Variants in OS9 observed in about 807,000 individuals in gnomAD.
OS9 encodes OS9 endoplasmic reticulum lectin, also known as protein OS-9.
A neutral mutation model predicts 84.7 loss-of-function variants in OS9; 58 were observed. The ratio of observed to expected loss-of-function variants is 0.68; its 90% CI spans 0.55 to 0.85. The LOEUF is 0.85. OS9 is among the 40% of genes least tolerant of loss of function. OS9 has a pLI of 0.00. For missense variants in OS9, 760 were observed against 850.9 expected (o/e 0.89, Z 1.33); for synonymous variants, 278 against 320.8 (o/e 0.87, Z 1.43).
intron 5 of OS9, among the ~76,000 whole-genome samples, chr12:57,696,817 A>C (rs1302689737): frequency 1.3e-5 from 2 of 150,736 alleles, no homozygotes; most frequent in Non-Finnish European, 1.5e-5. Context: ...GAAAAAAAAA[A>C]ACCCACATTA....
Position 57,715,946 on chromosome 12 carries a change from A to C in OS9, c.766A>C (p.Met256Leu). 6.2e-7 allele frequency: 1 copy of C among 1,612,818 alleles called. No individual in the cohort carries two copies. The highest frequency in any genetic ancestry group is 8.5e-7 in the Non-Finnish European group (1 of 1,179,344). Reference protein sequence around the residue: ...CHPSLQPEEYMAYVQRQADSK... With the variant: ...CHPSLQPEEYLAYVQRQADSK... ...CCCTTCCCTACAGCCTGAGGAGTACATGGCCTACGTTCAGAGGCAAGCCGG... is the reference window on the plus strand; with the variant it reads ...CCCTTCCCTACAGCCTGAGGAGTACCTGGCCTACGTTCAGAGGCAAGCCGG... Residue 256 changes from methionine to leucine, a missense_variant, in exon 6 of 15, where the codon ATG (methionine) becomes CTG (leucine). By Grantham distance (15) the Met-to-Leu change is conservative. Transcript: ENST00000315970.
chr12:57,718,491 C>A, intron 11 of OS9, 70 bp downstream of exon 11: 1 of 1,518,824 alleles, frequency 6.6e-7, no homozygotes, highest in Non-Finnish European at 8.9e-7. Flanking sequence ...GGCTGACGGG[C>A]TAAAAGAAAC....
chr12:57,711,166 C>A (rs1040629581), intron 5 of OS9, among the ~76,000 whole-genome samples: 5 of 151,536 alleles, frequency 3.3e-5, no homozygotes, highest in African/African-American at 1.2e-4. Context: ...CTTAGTTTTG[C>A]ATGTATCCTT....
chr12:57,715,874 C>G lies in OS9; in HGVS notation c.694C>G (p.Leu232Val). 6.2e-7 allele frequency: 1 copy of G among 1,613,574 alleles called. No homozygotes were observed. Among genetic ancestry groups the G allele is most frequent in the Non-Finnish European group, 8.5e-7 (1 of 1,179,670 alleles). The change falls in exon 6 of 15, where the codon CTC (leucine) becomes GTC (valine). Residue 232 changes from leucine (L) to valine (V), a missense_variant. Coordinates refer to ENST00000315970, the MANE Select transcript of OS9 (RefSeq NM_006812.4). Reference protein sequence around the residue: ...IRTPRLCPHPLLRPPPSAAPQ... With the variant: ...IRTPRLCPHPVLRPPPSAAPQ... ...CACTCCTCGGCTCTGCCCCCACCCTCTCCTCCGGCCCCCACCCAGTGCTGC... is the reference window on the plus strand; with the variant it reads ...CACTCCTCGGCTCTGCCCCCACCCTGTCCTCCGGCCCCCACCCAGTGCTGC...
rs982577561 is a variant in OS9 at position 57,699,442 on chromosome 12, G to A, written c.579+3069G>A. ...ATCACTAAGAGCATGGGAAGAAGAG[G>A]GTTTTGCCAGAAGAAAGGGCCAGAG... On this transcript the variant is annotated intron_variant, in intron 5 of 14. Coordinates refer to ENST00000315970, the MANE Select transcript of OS9 (RefSeq NM_006812.4). 5.3e-5 allele frequency among the ~76,000 whole-genome samples: 8 copies of A among 152,192 alleles called. No homozygotes were observed. In the South Asian group the frequency reaches 1.7e-3, roughly 32 times the overall value.
intron 5 of OS9, among the ~76,000 whole-genome samples, chr12:57,704,765 T>C (rs1172350122): frequency 6.6e-6 from 1 of 152,236 alleles, no homozygotes; most frequent in Non-Finnish European, 1.5e-5. Context: ...TAAATTCCAA[T>C]ATAGTCAAAC....
chr12:57,696,970 G>A (rs1289706253), intron 5 of OS9, among the ~76,000 whole-genome samples: 1 of 152,144 alleles, frequency 6.6e-6, no homozygotes, highest in Non-Finnish European at 1.5e-5. Context: ...TTCTCATCTA[G>A]TGGTCCTTAG....
At chr12:57,704,429 C>T (rs528428324) in intron 5 of OS9, among the ~76,000 whole-genome samples, 3 of 152,062 alleles carry the variant, frequency 2.0e-5, no homozygotes, top group Admixed American at 6.6e-5. Context: ...CCCAGCTACT[C>T]GGGAAACCGA....
chr12:57,713,448 A>G (rs2856297), intron 5 of OS9, among the ~76,000 whole-genome samples: 12 of 151,984 alleles, frequency 7.9e-5, no homozygotes, highest in African/African-American at 2.9e-4. Flanking sequence ...CCTTTTGTGA[A>G]ACCTCCACTC....
chr12:57,716,279 TG>T (rs141328077), intron 7 of OS9, 86 bp downstream of exon 7: 6,178 of 498,672 alleles, frequency 0.012, 64 homozygotes, highest in East Asian at 0.018. Context: ...ACTGGTGGGG[TG>T]GGGGGGGGTG....
intron 5 of OS9, among the ~76,000 whole-genome samples, chr12:57,706,605 AC>A (rs1027432591): frequency 5.8e-4 from 88 of 152,130 alleles, no homozygotes; most frequent in African/African-American, 2.1e-3. Flanking sequence ...TAATCCCAAC[AC>A]TTTGGGAGGC....
chr12:57,712,979 G>A (rs1490154074), intron 5 of OS9, among the ~76,000 whole-genome samples: 2 of 152,078 alleles, frequency 1.3e-5, no homozygotes, highest in Non-Finnish European at 2.9e-5. Context: ...TTGACATGTG[G>A]GGCATAAGTT....
intron 5 of OS9, among the ~76,000 whole-genome samples, chr12:57,709,945 C>T (rs1447956197): frequency 6.6e-6 from 1 of 152,050 alleles, no homozygotes; most frequent in African/African-American, 2.4e-5. Flanking sequence ...CTCTGCCTCC[C>T]AGGTTCAAGA....
Position 57,714,424 on chromosome 12 carries a change from C to T in OS9, c.580-1336C>T, listed in dbSNP as rs1269019387. ...TTCTCCATGTTGGTCAGGCTTGTCT[C>T]GAATTCCTGACCTCAGGTGATCCAC... On this transcript the variant is annotated intron_variant, in intron 5 of 14. Transcript: ENST00000315970. 3.9e-5 allele frequency among the ~76,000 whole-genome samples: 6 copies of T among 152,248 alleles called. 1 individual carries two copies. The East Asian group carries it at 7.7e-4, about 20-fold the overall frequency.
intron 1 of OS9, 170 bp from the exon 2 acceptor site, chr12:57,694,580 G>A (rs1953768341): frequency 1.4e-6 from 1 of 740,486 alleles, no homozygotes; most frequent in South Asian, 1.7e-5. Context: ...CGCCCCCGTG[G>A]AGAAATGGGA....
intron 5 of OS9, among the ~76,000 whole-genome samples, chr12:57,697,685 A>G (rs1393053956): frequency 6.6e-6 from 1 of 152,176 alleles, no homozygotes; most frequent in East Asian, 1.9e-4. Context: ...GGTCTGGGAT[A>G]GAGATATAAG....
chr12:57,696,497 G>A, intron 5 of OS9, 124 bp downstream of exon 5: 1 of 566,734 alleles, frequency 1.8e-6, no homozygotes, highest in Non-Finnish European at 3.1e-6. Flanking sequence ...TAAATCCAAA[G>A]TTTAAAACAT....
At position 57,716,696 on chromosome 12, in the gene OS9, C is replaced by A; in HGVS notation, c.997C>A (p.Gln333Lys). 1.2e-6 allele frequency: 2 copies of A among 1,613,878 alleles called. No homozygotes were observed. Among genetic ancestry groups the A allele is most frequent in the Non-Finnish European group, 1.7e-6 (2 of 1,179,782 alleles). ...TCTCTCCTTTTCTCCTCGTCAGGAG[C>A]AGGACCCAAGCCCTGAGGCAGCAGA... is the stretch of plus-strand genomic sequence containing the variant. ...PGGEEVPAEE[Q>K]DPSPEAADSA... Residue 333 changes from glutamine to lysine, a missense_variant, in exon 9 of 15, where the codon CAG becomes AAG. Physicochemically the swap from Gln to Lys is moderately conservative, Grantham distance 53. Transcript: ENST00000315970.
At chr12:57,698,478 T>C (rs1263891043) in intron 5 of OS9, among the ~76,000 whole-genome samples, 1 of 152,106 alleles carries the variant, frequency 6.6e-6, no homozygotes, top group Non-Finnish European at 1.5e-5. Flanking sequence ...TCAGGAGATA[T>C]GTTAAATGAA....
Sources: allele counts gnomAD v4.1 joint callset (sites outside exome capture counted in the v4.1 genomes callset), GRCh38; gene constraint gnomAD v4.1.1; transcripts MANE v1.5; gene names NCBI Gene and HGNC (gene_info 2026-07-23, HGNC 2026-07-21).